SBF2: variants seen among roughly 807,000 people sequenced by gnomAD.
The protein encoded by SBF2 is myotubularin-related protein 13.
A neutral mutation model predicts 225.2 loss-of-function variants in SBF2; 112 were observed. The ratio of observed to expected loss-of-function variants is 0.50; its 90% CI spans 0.43 to 0.58. The LOEUF (loss-of-function observed/expected upper bound fraction) is 0.58. Ranked by LOEUF, SBF2 falls within the 20% of genes least tolerant of loss-of-function variation. SBF2 has a pLI of 0.00. For missense variants in SBF2, 1,996 were observed against 2,206.2 expected (o/e 0.90, Z 1.91); for synonymous variants, 763 against 773.3 (o/e 0.99, Z 0.22).
At chr11:10,078,610 C>T (rs1015725751) in intron 2 of SBF2, among the ~76,000 whole-genome samples, 3 of 151,168 alleles carry the variant, frequency 2.0e-5, no homozygotes, top group Admixed American at 1.3e-4. Context: ...AGGGGAATAT[C>T]ACACATCAGG....
intron 1 of SBF2, among the ~76,000 whole-genome samples, chr11:10,300,230 G>A (rs1028276486): frequency 3.3e-5 from 5 of 152,182 alleles, no homozygotes; most frequent in South Asian, 2.1e-4. Flanking sequence ...CTGTAAGCTC[G>A]TTGAGGGTAA....
At chr11:10,060,716 G>T (rs1950409324) in intron 2 of SBF2, among the ~76,000 whole-genome samples, 1 of 152,124 alleles carries the variant, frequency 6.6e-6, no homozygotes, top group Non-Finnish European at 1.5e-5. Context: ...GGGATGCAAA[G>T]TTGGTTCAAC....
intron 2 of SBF2, among the ~76,000 whole-genome samples, chr11:10,047,225 T>C (rs1329037609): frequency 6.6e-6 from 1 of 151,952 alleles, no homozygotes; most frequent in Non-Finnish European, 1.5e-5. Flanking sequence ...TCAACATAAT[T>C]CCAACAAAAA....
Position 9,982,627 on chromosome 11 carries a change from G to A in SBF2, c.1395+6870C>T, listed in dbSNP as rs189230449. ...GCAGCTCCAGACAGAGAAGCATGTG[G>A]AGGCTTGCATTGTGAGTTTCAGCTC... is the stretch of plus-strand genomic sequence containing the variant. On this transcript the variant is annotated intron_variant, in intron 13 of 39. Transcript: ENST00000256190. Among the ~76,000 whole-genome samples, 16 of 152,318 alleles carry A rather than the reference G, an allele frequency of 1.1e-4. No homozygotes were observed. In the East Asian group the frequency reaches 1.3e-3, roughly 13 times the overall value.
intron 2 of SBF2, among the ~76,000 whole-genome samples, chr11:10,159,262 C>A (rs1186451338): frequency 6.6e-6 from 1 of 152,170 alleles, no homozygotes; most frequent in African/African-American, 2.4e-5. Flanking sequence ...TGGTAACAGC[C>A]CTTTCCCAAA....
intron 18 of SBF2, among the ~76,000 whole-genome samples, chr11:9,857,191 C>G (rs1223048329): frequency 6.6e-6 from 1 of 152,100 alleles, no homozygotes; most frequent in East Asian, 1.9e-4. Context: ...GTCTTCTTTC[C>G]CAGATCCAAC....
At chr11:10,063,885 C>T (rs1488752141) in intron 2 of SBF2, among the ~76,000 whole-genome samples, 3 of 114,312 alleles carry the variant, frequency 2.6e-5, no homozygotes, top group East Asian at 6.2e-4. Context: ...AGAGAGAAAA[C>T]GAAAAGAGAA....
chr11:10,173,057 C>G (rs181264591), intron 2 of SBF2, among the ~76,000 whole-genome samples: 1 of 152,150 alleles, frequency 6.6e-6, no homozygotes, highest in East Asian at 1.9e-4. Flanking sequence ...TTCCAAAATT[C>G]CTCTTTATTG....
chr11:10,163,977 C>A (rs557655777), intron 2 of SBF2, among the ~76,000 whole-genome samples: 8 of 152,284 alleles, frequency 5.3e-5, no homozygotes, highest in Admixed American at 1.3e-4. Context: ...TCAAGCTGGA[C>A]AAAGCTGAAA....
chr11:10,180,852 A>G (rs112312233), intron 2 of SBF2, among the ~76,000 whole-genome samples: 9 of 152,140 alleles, frequency 5.9e-5, no homozygotes, highest in Non-Finnish European at 1.3e-4. Flanking sequence ...TGCATTCCTT[A>G]GCTTTATTGA....
At position 10,166,181 on chromosome 11, in the gene SBF2, C is replaced by T. The variant is rs934208987; in HGVS notation, c.141+27721G>A. On this transcript the variant is annotated intron_variant, in intron 2 of 39. Coordinates refer to ENST00000256190, the MANE Select transcript of SBF2 (RefSeq NM_030962.4). ...AATCATAGCAAATATTTAATATAAA[C>T]TAAAATTAGATGATCACTTGACAAG... 2.0e-5 allele frequency among the ~76,000 whole-genome samples: 3 copies of T among 152,030 alleles called. No homozygotes were observed. In the South Asian group the frequency reaches 6.2e-4, roughly 32 times the overall value.
intron 6 of SBF2, among the ~76,000 whole-genome samples, chr11:10,008,958 A>T (rs961986851): frequency 2.6e-5 from 4 of 152,250 alleles, no homozygotes; most frequent in Non-Finnish European, 5.9e-5. Context: ...CGGTGCACAT[A>T]ACCAGGAGGT....
chr11:9,959,636 C>G (rs569311606), intron 16 of SBF2: 1 of 755,102 alleles, frequency 1.3e-6, no homozygotes, highest in African/African-American at 1.7e-5. Context: ...ACTCAGGTAA[C>G]TCTTCCACAC....
intron 1 of SBF2, among the ~76,000 whole-genome samples, chr11:10,249,001 C>T (rs1003437412): frequency 6.6e-6 from 1 of 151,754 alleles, no homozygotes; most frequent in Non-Finnish European, 1.5e-5. Context: ...GAGGCTGAGG[C>T]AGGAGAATGG....
intron 1 of SBF2, among the ~76,000 whole-genome samples, chr11:10,242,229 GGCAAAGGCA>G (rs1334876581): frequency 6.6e-6 from 1 of 151,970 alleles, no homozygotes; most frequent in Non-Finnish European, 1.5e-5. Context: ...TAGAGTGTGT[GGCAAAGGCA>G]TTATAAGTGT....
At chr11:9,963,679 A>T (rs1238209136) in intron 15 of SBF2, 94 bp downstream of exon 15, 1 of 694,316 alleles carries the variant, frequency 1.4e-6, no homozygotes, top group African/African-American at 1.8e-5. Flanking sequence ...AGGAAAAGGG[A>T]TAGAATTAAA....
At chr11:10,268,789 A>G (rs1962223336) in intron 1 of SBF2, among the ~76,000 whole-genome samples, 1 of 152,248 alleles carries the variant, frequency 6.6e-6, no homozygotes, top group Non-Finnish European at 1.5e-5. Flanking sequence ...TAAAAAAATT[A>G]GACAAATGTA....
intron 2 of SBF2, among the ~76,000 whole-genome samples, chr11:10,147,571 G>A (rs576525773): frequency 6.6e-6 from 1 of 152,218 alleles, no homozygotes; most frequent in South Asian, 2.1e-4. Flanking sequence ...ACTTAAGGGT[G>A]GAGGAGGGAA....
intron 33 of SBF2, among the ~76,000 whole-genome samples, chr11:9,795,028 T>G (rs1015573634): frequency 1.3e-5 from 2 of 152,166 alleles, no homozygotes; most frequent in African/African-American, 4.8e-5. Context: ...TGAGTGCATA[T>G]AATATATTGA....
Sources: gnomAD v4.1 joint callset for allele counts (sites outside exome capture counted in the v4.1 genomes callset) on GRCh38, gnomAD v4.1.1 for gene constraint, MANE v1.5 for transcripts, NCBI Gene and HGNC (gene_info 2026-07-23, HGNC 2026-07-21) for gene names.